The following DMTF1 variants were observed in gnomAD, a reference collection of about 807,000 sequenced individuals.
The protein encoded by DMTF1 is cyclin D binding myb like transcription factor 1.
In DMTF1, 39 loss-of-function variants were observed where a neutral mutation model predicts 91.1. That is an observed-to-expected ratio of 0.43 (90% confidence interval 0.33 to 0.56). The LOEUF (loss-of-function observed/expected upper bound fraction) is 0.56. DMTF1 is among the 20% of genes least tolerant of loss of function. The pLI, the probability that DMTF1 is intolerant of heterozygous loss-of-function variation, is 0.05. For missense variants in DMTF1, 750 were observed against 914.5 expected, an observed-to-expected ratio of 0.82 and a Z score of 2.32; for synonymous variants, 338 against 309.5, an observed-to-expected ratio of 1.09 and a Z score of -0.97.
chr7:87,193,166 C>A (rs1213043665), intron 14 of DMTF1, 32 bp from the exon 15 acceptor site: 8 of 1,609,028 alleles, frequency 5.0e-6, no homozygotes, highest in Non-Finnish European at 6.8e-6. Context: ...TAGACTTAAT[C>A]ATTGTTAAAC....
chr7:87,189,441 A>C (rs1343781053), intron 13 of DMTF1, among the ~76,000 whole-genome samples: 1 of 152,130 alleles, frequency 6.6e-6, no homozygotes, highest in Non-Finnish European at 1.5e-5. Context: ...TAAATATGAG[A>C]GTTGCTATTG....
In DMTF1 at chr7:87,191,137, A is replaced by G. The variant is rs1282240859; in HGVS notation, c.1494+110A>G. 8 of 685,860 alleles carry G rather than the reference A, an allele frequency of 1.2e-5. No individual in the cohort carries two copies. The East Asian group carries it at 2.2e-4, about 19-fold the overall frequency. 42.5% of individuals were successfully genotyped at this position (685,860 alleles called of 1,614,324 possible). ...TTCATAAAAGTCTGAGGCCAAATGA[A>G]TGGTAGACTAAATCAGACTTCTACT... On this transcript the variant is annotated intron_variant, in intron 14 of 17. Coordinates refer to ENST00000331242, the MANE Select transcript of DMTF1 (RefSeq NM_001142327.2).
At chr7:87,154,210 T>C (rs143463961) in intron 1 of DMTF1, 1 of 152,224 alleles carries the variant, frequency 6.6e-6, no homozygotes, top group Non-Finnish European at 1.5e-5. Flanking sequence ...GTGAGAATAA[T>C]TTTTTTCTTC....
chr7:87,174,145 T>C (rs1471110791), intron 6 of DMTF1, among the ~76,000 whole-genome samples: 1 of 152,222 alleles, frequency 6.6e-6, no homozygotes, highest in Non-Finnish European at 1.5e-5. Flanking sequence ...TTTCAACCAC[T>C]GTATAGTAAA....
At chr7:87,180,028 AT>A (rs1797001570) in intron 8 of DMTF1, among the ~76,000 whole-genome samples, 1 of 152,134 alleles carries the variant, frequency 6.6e-6, no homozygotes, top group Admixed American at 6.5e-5. Flanking sequence ...TATTGGTAAC[AT>A]TTTTCCTATT....
chr7:87,176,217 A>G (rs531865885), intron 7 of DMTF1, among the ~76,000 whole-genome samples: 10 of 152,218 alleles, frequency 6.6e-5, no homozygotes, highest in Non-Finnish European at 1.2e-4. Flanking sequence ...GAATTTTAAA[A>G]CTCTAATTCT....
intron 1 of DMTF1, among the ~76,000 whole-genome samples, chr7:87,161,196 G>A (rs1489810971): frequency 3.9e-5 from 6 of 152,100 alleles, no homozygotes; most frequent in Non-Finnish European, 1.5e-5. Context: ...GGTGAGTCAA[G>A]AACATATTTA....
chr7:87,153,030 C>CGTAGTCTCCTACGCTG (rs1392146791), intron 1 of DMTF1: 1 of 153,560 alleles, frequency 6.5e-6, no homozygotes, highest in Non-Finnish European at 1.5e-5. Context: ...TATGGTCCAG[C>CGTAGTCTCCTACGCTG]GTAGGAGAGG....
intron 1 of DMTF1, among the ~76,000 whole-genome samples, chr7:87,155,111 A>G (rs1042750770): frequency 4.6e-5 from 7 of 152,208 alleles, no homozygotes; most frequent in Non-Finnish European, 5.9e-5. Context: ...TGAAACAAGT[A>G]TTCCTAAGGA....
chr7:87,160,309 T>G lies in DMTF1; in HGVS notation c.-131-3186T>G, dbSNP rs371193158. 2.2e-3 allele frequency among the ~76,000 whole-genome samples: 327 copies of G among 150,462 alleles called. 1 individual carries two copies. Among genetic ancestry groups the G allele is most frequent in the African/African-American group, 7.4e-3 (304 of 40,972 alleles). On this transcript the variant is annotated intron_variant, in intron 1 of 17. Coordinates refer to ENST00000331242, the MANE Select transcript of DMTF1 (RefSeq NM_001142327.2). Reference sequence around the variant, plus strand: ...TTTTTTTTTTGACGAAGTCTCACTCTCGTCCTCCAGGCTGGAGTGCAATGG... The same window carrying G: ...TTTTTTTTTTGACGAAGTCTCACTCGCGTCCTCCAGGCTGGAGTGCAATGG...
rs1381134572 is a variant in DMTF1, at chr7:87,164,968, C to T, written c.27C>T (p.Asp9=). ...TGAGCACAGTGGAAGAGGATTCTGACACAGTAACAGTAGAAACTGTGAACT... is the reference window on the plus strand; with the variant it reads ...TGAGCACAGTGGAAGAGGATTCTGATACAGTAACAGTAGAAACTGTGAACT... MSTVEEDS[D]TVTVETVNSV... Residue 9 remains aspartate, a synonymous_variant, in exon 3 of 18, where the codon GAC becomes GAT. Transcript: ENST00000331242. 1.2e-6 allele frequency: 2 copies of T among 1,609,228 alleles called. No homozygotes were observed. Among genetic ancestry groups the T allele is most frequent in the Admixed American group, 1.7e-5 (1 of 59,422 alleles).
intron 7 of DMTF1, 48 bp downstream of exon 7, chr7:87,174,717 T>C (rs1431748458): frequency 1.5e-6 from 2 of 1,338,448 alleles, no homozygotes; most frequent in Non-Finnish European, 2.1e-6. Context: ...TTATTGCCAA[T>C]TGCAAAAATA....
chr7:87,179,739 T>TA, intron 8 of DMTF1, 37 bp downstream of exon 8: 1 of 1,531,594 alleles, frequency 6.5e-7, no homozygotes, highest in Non-Finnish European at 8.7e-7. Context: ...TTTCATGTAA[T>TA]TAGGGGAAAT....
At chr7:87,170,237 C>G (rs2129090991) in intron 4 of DMTF1, among the ~76,000 whole-genome samples, 1 of 152,326 alleles carries the variant, frequency 6.6e-6, no homozygotes, top group Admixed American at 6.5e-5. Context: ...CTACCAGCCA[C>G]TCTCACTTGC....
At chr7:87,183,862 A>G (rs572617944) in intron 10 of DMTF1, among the ~76,000 whole-genome samples, 1 of 152,350 alleles carries the variant, frequency 6.6e-6, no homozygotes, top group East Asian at 1.9e-4. Context: ...ATTTCATCAC[A>G]GTAGCTTGGA....
In DMTF1 at chr7:87,195,601, T is replaced by C. The variant is rs1344024936; in HGVS notation, c.*461T>C. 3 of 153,676 alleles carry C rather than the reference T, an allele frequency of 2.0e-5. No individual in the cohort carries two copies. The highest frequency in any genetic ancestry group is 7.2e-5 in the African/African-American group (3 of 41,432). The allele number at this position is 153,676 out of a possible 1,614,324, so 9.5% of individuals were successfully genotyped here. On this transcript the variant is annotated 3_prime_UTR_variant, in exon 18 of 18. Transcript: ENST00000331242. ...GTGATCTTCTGATCTTCAAGAAGAC[T>C]AAGTTTGAGACTTGACCAGCATACA...
chr7:87,194,384 CCT>C (rs1390844906), intron 16 of DMTF1: 5 of 443,674 alleles, frequency 1.1e-5, no homozygotes, highest in African/African-American at 1.0e-4. Flanking sequence ...GAAGCATTTT[CCT>C]GAGTGGTTAG....
intron 12 of DMTF1, 154 bp downstream of exon 12, chr7:87,186,134 C>T: frequency 2.6e-6 from 2 of 769,670 alleles, no homozygotes; most frequent in Admixed American, 2.7e-5. Flanking sequence ...TTGTTTCCTT[C>T]CCCAGAGAAG....
At chr7:87,184,997 C>T (rs1798105856) in intron 11 of DMTF1, 1 of 414,440 alleles carries the variant, frequency 2.4e-6, no homozygotes, top group African/African-American at 2.1e-5. Context: ...GTTCAGTCTC[C>T]ATGCCCTTCA....
Sources: gnomAD v4.1 joint callset for allele counts (sites outside exome capture counted in the v4.1 genomes callset) on GRCh38, gnomAD v4.1.1 for gene constraint, MANE v1.5 for transcripts, NCBI Gene and HGNC (gene_info 2026-07-23, HGNC 2026-07-21) for gene names.